CMIP: variants seen among roughly 807,000 people sequenced by gnomAD.
The protein encoded by CMIP is c-Maf inducing protein, also known as C-Maf-inducing protein.
In CMIP, 13 loss-of-function variants were observed where a neutral mutation model predicts 97.3. That is an observed-to-expected ratio of 0.13 (90% CI 0.09 to 0.21). The LOEUF is 0.21. Among genes scored for constraint, CMIP ranks in the 10% least tolerant of loss-of-function variants. CMIP has a pLI of 1.00. For missense variants in CMIP, 847 were observed against 1,024.9 expected (o/e 0.83, Z 2.37); for synonymous variants, 538 against 436.3 (o/e 1.23, Z -2.91).
chr16:81,596,354 A>G (rs771735774), intron 1 of CMIP, among the ~76,000 whole-genome samples: 1 of 152,058 alleles, frequency 6.6e-6, no homozygotes, highest in Admixed American at 6.5e-5. Context: ...AAAAGTACAG[A>G]AATTAGCTGT....
intron 3 of CMIP, chr16:81,645,927 A>G (rs2092359535): frequency 4.6e-6 from 2 of 435,632 alleles, no homozygotes; most frequent in East Asian, 8.4e-5. Context: ...CAAGTAATAG[A>G]CTGTAAGTTT....
At chr16:81,476,312 G>A (rs1907914775) in intron 1 of CMIP, 13 of 1,538,536 alleles carry the variant, frequency 8.4e-6, no homozygotes, top group East Asian at 2.3e-5. Context: ...GTGCCATTAC[G>A]GCGTGTGAAG....
chr16:81,657,912 T>G, intron 5 of CMIP, 96 bp downstream of exon 5: 3 of 980,738 alleles, frequency 3.1e-6, no homozygotes, highest in Non-Finnish European at 4.6e-6. Flanking sequence ...GCCTGCGTAA[T>G]CCACCAGCAT....
intron 2 of CMIP, chr16:81,610,424 C>G (rs1037193701): frequency 1.0e-6 from 1 of 985,948 alleles, no homozygotes; most frequent in Non-Finnish European, 1.2e-6. Flanking sequence ...GAGGAGGAAG[C>G]AGAGGAAAAG....
chr16:81,702,603 A>T lies in CMIP; in HGVS notation c.1897-19A>T, dbSNP rs765603823. ...CTTGGGGAAAAGAATGGTTGTAACC[A>T]GCCTGGTTTCTGTTGCAGCAAAGGA... On this transcript the variant is annotated intron_variant, in intron 16 of 20. Transcript: ENST00000537098. 1 of 1,612,270 alleles carries T rather than the reference A, an allele frequency of 6.2e-7. No homozygotes were observed. The highest frequency in any genetic ancestry group is 1.1e-5 in the South Asian group (1 of 90,720).
intron 9 of CMIP, among the ~76,000 whole-genome samples, chr16:81,673,361 T>C (rs2092699978): frequency 6.6e-6 from 1 of 151,806 alleles, no homozygotes; most frequent in African/African-American, 2.4e-5. Flanking sequence ...ACTAAAAAAA[T>C]ATAAAAATTA....
intron 1 of CMIP, among the ~76,000 whole-genome samples, chr16:81,523,991 G>A (rs540217849): frequency 1.4e-4 from 22 of 152,378 alleles, no homozygotes; most frequent in African/African-American, 4.8e-4. Flanking sequence ...ACGTGTGTAT[G>A]TGTGCCCATG....
intron 10 of CMIP, among the ~76,000 whole-genome samples, chr16:81,685,587 G>A (rs1905291632): frequency 6.6e-6 from 1 of 151,738 alleles, no homozygotes. Context: ...CTCTGTCACC[G>A]AGGCTGGAGT....
At chr16:81,640,225 C>A (rs2092287067) in intron 3 of CMIP, among the ~76,000 whole-genome samples, 1 of 151,532 alleles carries the variant, frequency 6.6e-6, no homozygotes, top group African/African-American at 2.4e-5. Context: ...TGGAGGCGGG[C>A]CTTAGGGTGG....
chr16:81,706,970 T>C (rs1256810837), intron 19 of CMIP, 44 bp from the exon 20 acceptor site: 7 of 1,571,042 alleles, frequency 4.5e-6, no homozygotes, highest in South Asian at 4.5e-5. Flanking sequence ...CTTCATACCT[T>C]TGGGGCCTCG....
At chr16:81,533,184 C>A (rs1474454410) in intron 1 of CMIP, among the ~76,000 whole-genome samples, 1 of 152,150 alleles carries the variant, frequency 6.6e-6, no homozygotes, top group Non-Finnish European at 1.5e-5. Flanking sequence ...GCGTTTCTTA[C>A]TTATTTTGTT....
chr16:81,520,720 G>C (rs1270768563), intron 1 of CMIP: 2 of 152,216 alleles, frequency 1.3e-5, no homozygotes, highest in South Asian at 2.1e-4. Flanking sequence ...CTCATGACTG[G>C]AGAGTCAGAC....
intron 13 of CMIP, among the ~76,000 whole-genome samples, chr16:81,694,883 CG>C (rs1906527420): frequency 6.6e-6 from 1 of 152,166 alleles, no homozygotes. Context: ...AAAGGAGAAA[CG>C]GTGGATATGG....
Position 81,709,835 on chromosome 16 carries a change from G to A in CMIP, c.*36G>A, listed in dbSNP as rs561147247. 1.6e-5 allele frequency: 26 copies of A among 1,599,120 alleles called. No individual in the cohort carries two copies. In the East Asian group the frequency reaches 2.3e-4, roughly 14 times the overall value. ...TCAAGGCAGGAAGACGTTTGCAACC[G>A]CGACAAAATAACTCTTGACTAACAG... On this transcript the variant is annotated 3_prime_UTR_variant, in exon 21 of 21. Coordinates refer to ENST00000537098, the MANE Select transcript of CMIP (RefSeq NM_198390.3).
intron 3 of CMIP, among the ~76,000 whole-genome samples, chr16:81,628,675 C>G (rs2092107829): frequency 6.6e-6 from 1 of 152,142 alleles, no homozygotes; most frequent in African/African-American, 2.4e-5. Context: ...TGCATGTACA[C>G]AGACACACGC....
intron 1 of CMIP, chr16:81,518,194 TG>T (rs2089953042): frequency 6.6e-6 from 1 of 152,260 alleles, no homozygotes; most frequent in Non-Finnish European, 1.5e-5. Context: ...ATTTCCTATT[TG>T]GCTCTCACTT....
At chr16:81,576,638 G>A (rs2091194152) in intron 1 of CMIP, among the ~76,000 whole-genome samples, 1 of 152,094 alleles carries the variant, frequency 6.6e-6, no homozygotes, top group Admixed American at 6.6e-5. Context: ...TCAGCACCCC[G>A]TTACTAGAGC....
intron 4 of CMIP, among the ~76,000 whole-genome samples, chr16:81,654,928 C>G (rs2092466757): frequency 6.6e-6 from 1 of 152,196 alleles, no homozygotes; most frequent in Non-Finnish European, 1.5e-5. Flanking sequence ...CCTTGTCCTG[C>G]CCTCAGTAGC....
rs573416381 is a variant in CMIP, at chr16:81,525,093, G to A, written c.300+79552G>A. On this transcript the variant is annotated intron_variant, in intron 1 of 20. Transcript: ENST00000537098. ...TTACAGGCATGAGCCACCATGCCTG[G>A]CCCCTATTTTTATTTCTTTAAATTA... Among the ~76,000 whole-genome samples the A allele has an allele frequency of 4.2e-4, 63 of 151,584 alleles. 1 individual carries two copies. The highest frequency in any genetic ancestry group is 6.9e-3 in the Middle Eastern group (2 of 290).
Sources: gnomAD v4.1 joint callset for allele counts (sites outside exome capture counted in the v4.1 genomes callset) on GRCh38, gnomAD v4.1.1 for gene constraint, MANE v1.5 for transcripts, NCBI Gene and HGNC (gene_info 2026-07-23, HGNC 2026-07-21) for gene names.